The following SS18L1 variants were observed in gnomAD, a reference collection of about 807,000 sequenced individuals.
SS18L1 encodes the protein SS18L1 subunit of BAF chromatin remodeling complex, also known as calcium-responsive transactivator.
In SS18L1, 32 loss-of-function variants were observed where a neutral mutation model predicts 70.3. The ratio of observed to expected loss-of-function variants is 0.46; its 90% CI spans 0.34 to 0.61. SS18L1 has a LOEUF of 0.61. Among genes scored for constraint, SS18L1 ranks in the 20% least tolerant of loss-of-function variants. SS18L1 has a pLI of 0.01. For missense variants in SS18L1, 430 were observed against 542.1 expected (o/e 0.79, Z 2.05); for synonymous variants, 237 against 229.7 (o/e 1.03, Z -0.29).
At chr20:62,148,988 G>C (rs1484217903) in intron 1 of SS18L1, among the ~76,000 whole-genome samples, 1 of 152,260 alleles carries the variant, frequency 6.6e-6, no homozygotes, top group Non-Finnish European at 1.5e-5. Context: ...TTGCCCAGGT[G>C]GTGCTCGCTA....
chr20:62,170,156 G>A (rs145195338), intron 8 of SS18L1, among the ~76,000 whole-genome samples: 6 of 152,306 alleles, frequency 3.9e-5, no homozygotes, highest in South Asian at 2.1e-4. Flanking sequence ...ACACAGATGC[G>A]CCATGCTGCC....
rs774273647 is a variant in SS18L1 at position 62,162,936 on chromosome 20, C to T, written c.556+5C>T. The T allele has an allele frequency of 6.2e-7, 1 of 1,610,378 alleles. No homozygotes were observed. The highest frequency in any genetic ancestry group is 1.7e-5 in the Admixed American group (1 of 59,876). ...TCAACATGCAGTCCAACCCAGGTAC[C>T]TACTCTGCCTCTGCAACCCCGGGGG... On this transcript the variant is annotated splice_donor_5th_base_variant and intron_variant, in intron 5 of 10. Transcript: ENST00000331758.
intron 1 of SS18L1, among the ~76,000 whole-genome samples, chr20:62,147,857 G>A (rs189245212): frequency 1.5e-3 from 225 of 152,270 alleles, no homozygotes; most frequent in African/African-American, 4.9e-3. Context: ...CGGGGGTGGG[G>A]CATGGGCAAG....
chr20:62,158,549 C>A lies in SS18L1; in HGVS notation c.70-123C>A. On this transcript the variant is annotated intron_variant, in intron 1 of 10. Coordinates refer to ENST00000331758, the MANE Select transcript of SS18L1 (RefSeq NM_198935.3). The surrounding 1 kb of genome is among the most constrained non-coding windows in gnomAD (Gnocchi z 4.5). ...CCCCAAATCTGGAAAAATCTGAAAT[C>A]TGACACGTTTCACGTAAGGGACGCT... The A allele has an allele frequency of 6.9e-7, 1 of 1,443,732 alleles. No homozygotes were observed. Among genetic ancestry groups the A allele is most frequent in the Non-Finnish European group, 9.3e-7 (1 of 1,077,556 alleles). The allele number at this position is 1,443,732 out of a possible 1,614,324, so 89.4% of individuals were successfully genotyped here.
chr20:62,144,193 G>A (rs1348671049), intron 1 of SS18L1, among the ~76,000 whole-genome samples: 1 of 150,542 alleles, frequency 6.6e-6, no homozygotes, highest in Non-Finnish European at 1.5e-5. Context: ...GCCGGCCCCC[G>A]AGCGCGCTGT....
At chr20:62,157,016 C>T (rs778459620) in intron 1 of SS18L1, among the ~76,000 whole-genome samples, 1 of 152,148 alleles carries the variant, frequency 6.6e-6, no homozygotes. Flanking sequence ...GGGCGGGTGT[C>T]GCCTCTTCTC....
chr20:62,165,305 G>A lies in SS18L1; in HGVS notation c.824-117G>A, dbSNP rs567418593. On this transcript the variant is annotated intron_variant, in intron 7 of 10. Coordinates refer to ENST00000331758, the MANE Select transcript of SS18L1 (RefSeq NM_198935.3). ...GGTTTTGGGGAACACGGGTCCTGCC[G>A]GCTCTTGTTGCCTCCCTGGCCAGAC... The A allele has an allele frequency of 8.4e-5, 82 of 977,104 alleles. 1 individual carries two copies. In the South Asian group the frequency reaches 8.9e-4, roughly 11 times the overall value. The allele number at this position is 977,104 out of a possible 1,614,324, so 60.5% of individuals were successfully genotyped here.
intron 10 of SS18L1, 44 bp from the exon 11 acceptor site, chr20:62,179,136 TCA>T: frequency 6.2e-7 from 1 of 1,611,326 alleles, no homozygotes; most frequent in Non-Finnish European, 8.5e-7. Flanking sequence ...TGTCTTCCTT[TCA>T]CTCATTACTA....
At chr20:62,154,430 C>T in intron 1 of SS18L1, 1 of 1,040,356 alleles carries the variant, frequency 9.6e-7, no homozygotes, top group Non-Finnish European at 1.2e-6. Flanking sequence ...AAGTCTCCCT[C>T]AGGATCAGAC....
Position 62,161,692 on chromosome 20 carries a change from A to G in SS18L1, c.376+112A>G. On this transcript the variant is annotated intron_variant, in intron 4 of 10. Coordinates refer to ENST00000331758, the MANE Select transcript of SS18L1 (RefSeq NM_198935.3). This position sits in a 1 kb window ranked among gnomAD's most constrained non-coding sequence, Gnocchi z 4.4. ...CACCCCTCACAGGGCTGGGCATGGG[A>G]CCCACTCCTCCTGGGGTAGCCACAG... 7.0e-7 allele frequency: 1 copy of G among 1,432,074 alleles called. No homozygotes were observed. Among genetic ancestry groups the G allele is most frequent in the Admixed American group, 2.6e-5 (1 of 38,896 alleles). 88.7% of individuals were successfully genotyped at this position (1,432,074 alleles called of 1,614,324 possible).
intron 1 of SS18L1, among the ~76,000 whole-genome samples, chr20:62,150,537 A>C (rs1480953887): frequency 6.6e-6 from 1 of 151,480 alleles, no homozygotes; most frequent in Admixed American, 6.6e-5. Flanking sequence ...TAGTGGCAGA[A>C]GACGGGGAAC....
In SS18L1 at chr20:62,169,064, G is replaced by A. The variant is rs145984758; in HGVS notation, c.916+3550G>A. Reference sequence around the variant, plus strand: ...GGAGCATCGGGATGTGGTGCTCGGTGGGGGAGGGGCCAGGAGAGGGTGCGA... The same window carrying A: ...GGAGCATCGGGATGTGGTGCTCGGTAGGGGAGGGGCCAGGAGAGGGTGCGA... On this transcript the variant is annotated intron_variant, in intron 8 of 10. Transcript: ENST00000331758. Among the ~76,000 whole-genome samples the A allele has an allele frequency of 7.3e-3, 1,110 of 152,314 alleles. 6 individuals carry two copies. The highest frequency in any genetic ancestry group is 0.012 in the Non-Finnish European group (803 of 68,028).
Position 62,180,899 on chromosome 20 carries a change from AAAATAAATAAAT to A in SS18L1, c.*1706_*1717del, listed in dbSNP as rs147777670. 4.1e-5 allele frequency: 7 copies of A among 171,124 alleles called. No homozygotes were observed. The highest frequency in any genetic ancestry group is 8.9e-5 in the Non-Finnish European group (7 of 78,994). The allele number at this position is 171,124 out of a possible 1,614,324, so 10.6% of individuals were successfully genotyped here. A position where few individuals can be genotyped will look rare whatever the true frequency, so the allele number is the denominator to read the frequency against. ...AACAAGAGTGAAATTCCGTCTCAAA[AAAATAAATAAAT>A]AAATAAATAAATAAGTTAAAATTAA... On this transcript the variant is annotated 3_prime_UTR_variant, in exon 11 of 11. Transcript: ENST00000331758.
chr20:62,169,748 C>T (rs1463044776), intron 8 of SS18L1, among the ~76,000 whole-genome samples: 2 of 151,868 alleles, frequency 1.3e-5, no homozygotes. Flanking sequence ...AACTGCACTC[C>T]AGCCTGGGGC....
At position 62,174,932 on chromosome 20, in the gene SS18L1, C is replaced by T. The variant is rs746769600; in HGVS notation, c.1164+288C>T. On this transcript the variant is annotated intron_variant, in intron 10 of 10. Transcript: ENST00000331758. This position sits in a 1 kb window ranked among gnomAD's most constrained non-coding sequence, Gnocchi z 4.1. ...CAGTGTTTGTCACGTACTGGGTACG[C>T]GTCCGGTCTCTGCTGAGTGCTTGGT... 17 of 982,126 alleles carry T rather than the reference C, an allele frequency of 1.7e-5. No homozygotes were observed. Among genetic ancestry groups the T allele is most frequent in the Non-Finnish European group, 1.9e-5 (16 of 826,978 alleles). 60.8% of individuals were successfully genotyped at this position (982,126 alleles called of 1,614,324 possible). A position where few individuals can be genotyped will look rare whatever the true frequency, so the allele number is the denominator to read the frequency against.
chr20:62,146,874 C>T (rs185074296), intron 1 of SS18L1, among the ~76,000 whole-genome samples: 9 of 152,118 alleles, frequency 5.9e-5, no homozygotes, highest in Non-Finnish European at 1.3e-4. Flanking sequence ...CCCCTCCCCC[C>T]CTTAGCCTCC....
chr20:62,157,246 A>T (rs1346103643), intron 1 of SS18L1, among the ~76,000 whole-genome samples: 1 of 151,722 alleles, frequency 6.6e-6, no homozygotes, highest in Non-Finnish European at 1.5e-5. Flanking sequence ...CAACCACCAG[A>T]CTCAGCACGT....
At chr20:62,154,403 C>G (rs2057186080) in intron 1 of SS18L1, 1 of 1,046,642 alleles carries the variant, frequency 9.6e-7, no homozygotes, top group Non-Finnish European at 1.2e-6. Context: ...TTTCGGCGGA[C>G]TAGAATTTCT....
Position 62,159,760 on chromosome 20 carries a change from C to T in SS18L1, c.147-117C>T. On this transcript the variant is annotated intron_variant, in intron 2 of 10. Transcript: ENST00000331758. This position sits in a 1 kb window ranked among gnomAD's most constrained non-coding sequence, Gnocchi z 4.4. ...CTGGGTGTCATCTGGGGTCCATGTCCTCATGGGGTTTGGCTGGATGTCAGG... is the reference window on the plus strand; with the variant it reads ...CTGGGTGTCATCTGGGGTCCATGTCTTCATGGGGTTTGGCTGGATGTCAGG... The T allele has an allele frequency of 1.0e-6, 1 of 989,144 alleles. No individual in the cohort carries two copies. The highest frequency in any genetic ancestry group is 1.5e-6 in the Non-Finnish European group (1 of 669,964). The allele number at this position is 989,144 out of a possible 1,614,324, so 61.3% of individuals were successfully genotyped here.
Sources: allele counts gnomAD v4.1 joint callset (sites outside exome capture counted in the v4.1 genomes callset), GRCh38; gene constraint gnomAD v4.1.1; non-coding constraint Gnocchi (gnomAD v3.1); transcripts MANE v1.5; gene names NCBI Gene and HGNC (gene_info 2026-07-23, HGNC 2026-07-21).